Variants in IRF2 observed in about 807,000 individuals in gnomAD.
IRF2 encodes interferon regulatory factor 2.
A neutral mutation model predicts 40.6 loss-of-function variants in IRF2; 15 were observed. That is an observed-to-expected ratio of 0.37 (90% confidence interval 0.25 to 0.57). The LOEUF (loss-of-function observed/expected upper bound fraction) is 0.57. Among genes scored for constraint, IRF2 ranks in the 20% least tolerant of loss-of-function variants. The pLI, the probability that IRF2 is intolerant of heterozygous loss-of-function variation, is 0.77. For missense variants in IRF2, 317 were observed against 455.7 expected (o/e 0.70, Z 2.77); for synonymous variants, 151 against 165.5 (o/e 0.91, Z 0.67).
At chr4:184,462,745 G>T (rs1739189568) in intron 1 of IRF2, among the ~76,000 whole-genome samples, 1 of 152,154 alleles carries the variant, frequency 6.6e-6, no homozygotes, top group Admixed American at 6.5e-5. Flanking sequence ...TCTGGGTGTG[G>T]AACCCCTAAT....
chr4:184,463,112 C>G (rs531927733), intron 1 of IRF2, among the ~76,000 whole-genome samples: 3 of 152,166 alleles, frequency 2.0e-5, no homozygotes, highest in Non-Finnish European at 4.4e-5. Flanking sequence ...AGCTAACTAC[C>G]CTAGGAATGG....
rs573203959 is a variant in IRF2, at chr4:184,408,278, A to G, written c.412-3T>C. The G allele has an allele frequency of 1.9e-6, 3 of 1,566,476 alleles. No individual in the cohort carries two copies. Among genetic ancestry groups the G allele is most frequent in the South Asian group, 2.2e-5 (2 of 89,428 alleles). ...AGAGATGACTCAACTGGTTCTTGCTAGGAAGAAGAAAAGAAAAAAGAATTG... is the reference window on the plus strand; with the variant it reads ...AGAGATGACTCAACTGGTTCTTGCTGGGAAGAAGAAAAGAAAAAAGAATTG... On this transcript the variant is annotated splice_region_variant and splice_polypyrimidine_tract_variant and intron_variant, in intron 5 of 8. Coordinates refer to ENST00000393593, the MANE Select transcript of IRF2 (RefSeq NM_002199.4). The surrounding 1 kb of genome is among the most constrained non-coding windows in gnomAD (Gnocchi z 4.9).
At chr4:184,418,904 C>A (rs774498187) in intron 3 of IRF2, among the ~76,000 whole-genome samples, 196 bp from the exon 4 acceptor site, 1 of 152,126 alleles carries the variant, frequency 6.6e-6, no homozygotes, top group Non-Finnish European at 1.5e-5. Context: ...GTTTTTAAAA[C>A]CTGAACAGTT....
chr4:184,440,286 C>T (rs981316162), intron 1 of IRF2, among the ~76,000 whole-genome samples: 1 of 152,250 alleles, frequency 6.6e-6, no homozygotes, highest in Non-Finnish European at 1.5e-5. Context: ...CGCTCTGCCC[C>T]GAGCTGCTGC....
intron 1 of IRF2, among the ~76,000 whole-genome samples, chr4:184,431,406 A>G (rs1039687460): frequency 2.6e-5 from 4 of 152,214 alleles, no homozygotes; most frequent in Admixed American, 2.0e-4. Context: ...ACCATGCCCC[A>G]TGAAGATGAT....
rs1256822432 is a variant in IRF2, at chr4:184,448,980, C to T, written c.-6-19910G>A. The T allele has an allele frequency of 1.3e-5, 2 of 152,318 alleles. No individual in the cohort carries two copies. The highest frequency in any genetic ancestry group is 4.8e-5 in the African/African-American group (2 of 41,446). The allele number at this position is 152,318 out of a possible 1,614,324, so 9.4% of individuals were successfully genotyped here. On this transcript the variant is annotated intron_variant, in intron 1 of 8. Transcript: ENST00000393593. This position sits in a 1 kb window ranked among gnomAD's most constrained non-coding sequence, Gnocchi z 4.3. ...TTCCACTTGCTCGTACTTGGCTGAA[C>T]ACTGCAGTTACTCCCCTGGCCTCGG...
chr4:184,443,006 C>T (rs1219119694), intron 1 of IRF2, among the ~76,000 whole-genome samples: 1 of 151,678 alleles, frequency 6.6e-6, no homozygotes, highest in African/African-American at 2.4e-5. Context: ...GCTCACTGCA[C>T]CCTCCGCCTC....
intron 1 of IRF2, among the ~76,000 whole-genome samples, chr4:184,464,914 C>T (rs1225852129): frequency 2.0e-5 from 3 of 151,598 alleles, no homozygotes; most frequent in Admixed American, 6.6e-5. Context: ...GCTGCTCTGT[C>T]CCTGTCAACA....
At chr4:184,416,584 T>C (rs976277076) in intron 5 of IRF2, among the ~76,000 whole-genome samples, 5 of 152,154 alleles carry the variant, frequency 3.3e-5, no homozygotes, top group African/African-American at 1.2e-4. Flanking sequence ...TTCACTGATA[T>C]TGAGAAATTA....
At chr4:184,460,764 T>C (rs1739116582) in intron 1 of IRF2, among the ~76,000 whole-genome samples, 1 of 151,994 alleles carries the variant, frequency 6.6e-6, no homozygotes, top group African/African-American at 2.4e-5. Context: ...TAAGGACCAG[T>C]TTCCCCTTCA....
intron 1 of IRF2, among the ~76,000 whole-genome samples, chr4:184,432,244 C>T (rs1430064967): frequency 2.0e-5 from 3 of 152,354 alleles, no homozygotes; most frequent in Admixed American, 1.3e-4. Flanking sequence ...GGTGGTCACT[C>T]GGGGACATGT....
At chr4:184,409,691 C>T (rs867361347) in intron 5 of IRF2, among the ~76,000 whole-genome samples, 7 of 152,022 alleles carry the variant, frequency 4.6e-5, no homozygotes, top group Admixed American at 1.3e-4. Flanking sequence ...CCCAGGAGTT[C>T]GAGACCAGCC....
At position 184,429,035 on chromosome 4, in the gene IRF2, C is replaced by T. The variant is rs201634874; in HGVS notation, c.30G>A (p.Pro10=). 1.8e-5 allele frequency: 29 copies of T among 1,613,984 alleles called. No individual in the cohort carries two copies. Among genetic ancestry groups the T allele is most frequent in the South Asian group, 3.3e-5 (3 of 91,090 alleles). MPVERMRMR[P]WLEEQINSNT... ...TGGAGTTTATCTGCTCCTCCAGCCACGGGCGCATGCGCATCCTTTCCACCG... is the reference window on the plus strand; with the variant it reads ...TGGAGTTTATCTGCTCCTCCAGCCATGGGCGCATGCGCATCCTTTCCACCG... Residue 10 remains proline (P), a synonymous_variant, in exon 2 of 9, where the codon CCG becomes CCA. Coordinates refer to ENST00000393593, the MANE Select transcript of IRF2 (RefSeq NM_002199.4).
chr4:184,437,370 A>T (rs988112289), intron 1 of IRF2, among the ~76,000 whole-genome samples: 5 of 149,716 alleles, frequency 3.3e-5, no homozygotes, highest in Non-Finnish European at 6.0e-5. Flanking sequence ...TTTTTAAAAT[A>T]TTTTTGTAGA....
chr4:184,405,760 TA>T (rs544723224), intron 6 of IRF2, among the ~76,000 whole-genome samples: 3 of 152,244 alleles, frequency 2.0e-5, no homozygotes, highest in African/African-American at 7.2e-5. Flanking sequence ...CAGCTAATTA[TA>T]AACGAGGCAG....
chr4:184,399,205 AT>A, intron 6 of IRF2, 126 bp from the exon 7 acceptor site: 1 of 965,308 alleles, frequency 1.0e-6, no homozygotes, highest in South Asian at 1.7e-5. Context: ...GTCCCCTGCC[AT>A]GGGGCTGAAG....
At chr4:184,452,764 CT>C (rs1423582492) in intron 1 of IRF2, among the ~76,000 whole-genome samples, 1 of 28,858 alleles carries the variant, frequency 3.5e-5, no homozygotes, top group Non-Finnish European at 6.2e-5. Flanking sequence ...GAGCAGGACC[CT>C]GTCTCAAAAA....
In IRF2 at chr4:184,474,181, A is replaced by G. The variant is rs1338182085; in HGVS notation, c.-7+198T>C. 6.5e-6 allele frequency: 1 copy of G among 153,026 alleles called. No individual in the cohort carries two copies. The highest frequency in any genetic ancestry group is 1.5e-5 in the Non-Finnish European group (1 of 68,646). 9.5% of individuals were successfully genotyped at this position (153,026 alleles called of 1,614,324 possible). ...AACAGCAGCAGAACCTGCTTCCCCTAAAATCAGATGATCCATAATTGCGCC... is the reference window on the plus strand; with the variant it reads ...AACAGCAGCAGAACCTGCTTCCCCTGAAATCAGATGATCCATAATTGCGCC... On this transcript the variant is annotated intron_variant, in intron 1 of 8. Coordinates refer to ENST00000393593, the MANE Select transcript of IRF2 (RefSeq NM_002199.4). This position sits in a 1 kb window ranked among gnomAD's most constrained non-coding sequence, Gnocchi z 5.6.
In IRF2 at chr4:184,390,896, C is replaced by T. The variant is rs147118307; in HGVS notation, c.695-147G>A. 1.7e-4 allele frequency: 135 copies of T among 814,320 alleles called. No homozygotes were observed. The East Asian group carries it at 3.0e-3, about 18-fold the overall frequency. The allele number at this position is 814,320 out of a possible 1,614,324, so 50.4% of individuals were successfully genotyped here. On this transcript the variant is annotated intron_variant, in intron 7 of 8. Coordinates refer to ENST00000393593, the MANE Select transcript of IRF2 (RefSeq NM_002199.4). ...AGCGAAACATTCTACATGGGAGAAG[C>T]TAGAGTGAATTTCAACTCTGTAATC... is the stretch of plus-strand genomic sequence containing the variant.
Sources: allele counts gnomAD v4.1 joint callset (sites outside exome capture counted in the v4.1 genomes callset), GRCh38; gene constraint gnomAD v4.1.1; non-coding constraint Gnocchi (gnomAD v3.1); transcripts MANE v1.5; gene names NCBI Gene and HGNC (gene_info 2026-07-23, HGNC 2026-07-21).